Variants in SMC1B observed in about 807,000 individuals in gnomAD.
SMC1B encodes the protein structural maintenance of chromosomes 1B.
In SMC1B, 60 loss-of-function variants were observed where a neutral mutation model predicts 157.9. The ratio of observed to expected loss-of-function variants is 0.38; its 90% CI spans 0.31 to 0.47. SMC1B has a LOEUF of 0.47. Ranked by LOEUF, SMC1B falls within the 20% of genes least tolerant of loss-of-function variation. The pLI is 0.99. For synonymous variants in SMC1B, 445 were observed against 483.0 expected (o/e 0.92, Z 1.03); for missense variants, 1,165 against 1,426.2 (o/e 0.82, Z 2.95).
intron 5 of SMC1B, among the ~76,000 whole-genome samples, chr22:45,401,793 C>G (rs1457157609): frequency 6.6e-6 from 1 of 152,140 alleles, no homozygotes; most frequent in African/African-American, 2.4e-5. Flanking sequence ...CTTAACCTCA[C>G]TCCTTGTGTG....
intron 18 of SMC1B, among the ~76,000 whole-genome samples, chr22:45,359,562 C>T: frequency 6.6e-6 from 1 of 152,210 alleles, no homozygotes; most frequent in Non-Finnish European, 1.5e-5. Flanking sequence ...TGTGCAAAAA[C>T]ATTCTTGACT....
intron 18 of SMC1B, among the ~76,000 whole-genome samples, chr22:45,359,399 C>T (rs972008590): frequency 2.0e-5 from 3 of 152,206 alleles, no homozygotes; most frequent in African/African-American, 4.8e-5. Context: ...CCTCCTGTTC[C>T]GTCACCACCT....
At chr22:45,402,997 C>T (rs942156391) in intron 4 of SMC1B, among the ~76,000 whole-genome samples, 6 of 152,012 alleles carry the variant, frequency 3.9e-5, no homozygotes, top group African/African-American at 9.7e-5. Flanking sequence ...GTTTTTCTAC[C>T]GATAAAACAG....
intron 11 of SMC1B, among the ~76,000 whole-genome samples, chr22:45,384,181 C>T (rs2086967458): frequency 2.0e-5 from 3 of 152,102 alleles, no homozygotes; most frequent in Admixed American, 1.3e-4. Context: ...TATATTTCCT[C>T]TTATGAAAAC....
At chr22:45,346,433 C>T (rs1014566786) in intron 23 of SMC1B, among the ~76,000 whole-genome samples, 7 of 152,128 alleles carry the variant, frequency 4.6e-5, no homozygotes, top group Non-Finnish European at 8.8e-5. Flanking sequence ...AGAACTTGGA[C>T]GGTGATAAAC....
At chr22:45,355,144 G>A (rs764770637) in intron 19 of SMC1B, 29 bp from the exon 20 acceptor site, 6 of 1,612,450 alleles carry the variant, frequency 3.7e-6, no homozygotes, top group Non-Finnish European at 5.1e-6. Context: ...AACACTGACT[G>A]GCATGGCATG....
intron 1 of SMC1B, among the ~76,000 whole-genome samples, chr22:45,411,703 C>CTG (rs1439873391): frequency 1.3e-5 from 2 of 152,110 alleles, no homozygotes; most frequent in South Asian, 4.1e-4. Context: ...TCTCCTGCCT[C>CTG]AGTCCCCTGA....
At chr22:45,404,100 C>T (rs1461611407) in intron 4 of SMC1B, among the ~76,000 whole-genome samples, 1 of 152,162 alleles carries the variant, frequency 6.6e-6, no homozygotes, top group Non-Finnish European at 1.5e-5. Flanking sequence ...TGCCACCACG[C>T]CCAGCTAATT....
intron 9 of SMC1B, among the ~76,000 whole-genome samples, chr22:45,391,117 C>T (rs958676232): frequency 1.3e-5 from 2 of 150,880 alleles, no homozygotes; most frequent in Non-Finnish European, 2.9e-5. Context: ...AGGCTGGTCT[C>T]AAACTCAAGT....
intron 1 of SMC1B, 111 bp downstream of exon 1, chr22:45,413,348 G>C: frequency 1.2e-6 from 1 of 809,882 alleles, no homozygotes; most frequent in South Asian, 1.8e-5. Flanking sequence ...GACTGGAAGG[G>C]GAAGGCCGGC....
At chr22:45,352,672 G>A in intron 21 of SMC1B, 70 bp from the exon 22 acceptor site, 1 of 1,421,400 alleles carries the variant, frequency 7.0e-7, no homozygotes, top group African/African-American at 1.4e-5. Context: ...GAGTTTAACT[G>A]CAAAATATTC....
At chr22:45,360,974 T>A (rs1602054279) in intron 17 of SMC1B, among the ~76,000 whole-genome samples, 1 of 2,928 alleles carries the variant, frequency 3.4e-4, no homozygotes, top group Non-Finnish European at 9.7e-4. Context: ...TGCCAGGTAC[T>A]TTTTTTTTTT....
intron 23 of SMC1B, among the ~76,000 whole-genome samples, chr22:45,348,046 C>G (rs533792174): frequency 6.6e-6 from 1 of 152,220 alleles, no homozygotes; most frequent in East Asian, 1.9e-4. Context: ...ACCCCACTCT[C>G]ATGTCCAAAA....
intron 23 of SMC1B, 29 bp from the exon 24 acceptor site, chr22:45,345,598 T>G (rs2086543183): frequency 7.1e-7 from 1 of 1,408,210 alleles, no homozygotes; most frequent in Non-Finnish European, 1.0e-6. Context: ...CACATTTCAC[T>G]AGGAAGGAAA....
At chr22:45,361,739 G>C (rs901554278) in intron 17 of SMC1B, 100 bp downstream of exon 17, 3 of 1,138,378 alleles carry the variant, frequency 2.6e-6, no homozygotes, top group Non-Finnish European at 3.8e-6. Context: ...AGCAACAAAG[G>C]GCACATATTC....
In SMC1B at chr22:45,369,958, T is replaced by C. The variant is rs1396229553; in HGVS notation, c.2416A>G (p.Lys806Glu). The change falls in exon 15 of 25, where the codon AAA becomes GAA. Residue 806 changes from lysine to glutamate, a missense_variant. Transcript: ENST00000357450. ...AACATCTTTTTATAAAAATACCTTT[T>C]TTGATCAATTTCTTGTTGCCGTTTA... is the stretch of plus-strand genomic sequence containing the variant. ...HVKRQQEIDQ[K>E]RLEFEKQKTR... 6.5e-7 allele frequency: 1 copy of C among 1,542,928 alleles called. No homozygotes were observed. The highest frequency in any genetic ancestry group is 1.4e-5 in the African/African-American group (1 of 72,940).
intron 15 of SMC1B, among the ~76,000 whole-genome samples, chr22:45,365,140 T>A (rs1249960924): frequency 6.6e-6 from 1 of 152,124 alleles, no homozygotes; most frequent in Admixed American, 6.5e-5. Context: ...CCCGGCCGGA[T>A]CTCTTCTCCT....
chr22:45,410,428 C>T (rs779368548), intron 1 of SMC1B, among the ~76,000 whole-genome samples: 65 of 152,250 alleles, frequency 4.3e-4, no homozygotes, highest in Middle Eastern at 3.4e-3. Flanking sequence ...TCAGGCTGGG[C>T]GCAGCAGCTC....
At chr22:45,364,045 C>T (rs752114789) in intron 15 of SMC1B, among the ~76,000 whole-genome samples, 3 of 152,056 alleles carry the variant, frequency 2.0e-5, no homozygotes, top group Non-Finnish European at 2.9e-5. Flanking sequence ...GACAGGGTTT[C>T]GCCATGTTGG....
Sources: allele counts gnomAD v4.1 joint callset (sites outside exome capture counted in the v4.1 genomes callset), GRCh38; gene constraint gnomAD v4.1.1; transcripts MANE v1.5; gene names NCBI Gene and HGNC (gene_info 2026-07-23, HGNC 2026-07-21).